The following ZNF385D variants were observed in gnomAD, a reference collection of about 807,000 sequenced individuals.
The protein encoded by ZNF385D is zinc finger protein 659.
Under a neutral mutation model 35.8 loss-of-function variants are expected in ZNF385D, and 15 were observed. The ratio of observed to expected loss-of-function variants is 0.42; its 90% confidence interval spans 0.28 to 0.64. The LOEUF is 0.64. ZNF385D is among the 30% of genes least tolerant of loss of function. The pLI, the probability that ZNF385D is intolerant of heterozygous loss-of-function variation, is 0.23. For synonymous variants in ZNF385D, 212 were observed against 186.8 expected, an observed-to-expected ratio of 1.13 and a Z score of -1.10; for missense variants, 474 against 494.6, an observed-to-expected ratio of 0.96 and a Z score of 0.39.
chr3:21,723,464 T>C (rs549329730), intron 1 of ZNF385D, among the ~76,000 whole-genome samples: 2 of 152,172 alleles, frequency 1.3e-5, no homozygotes, highest in South Asian at 4.2e-4. Flanking sequence ...ATAAATGACC[T>C]GAAGGAGCAG....
chr3:22,032,419 G>A (rs1159108473), intron 3 of ZNF385D, among the ~76,000 whole-genome samples: 1 of 152,168 alleles, frequency 6.6e-6, no homozygotes, highest in African/African-American at 2.4e-5. Context: ...CGGATCTCAT[G>A]AGAACCCCCT....
At chr3:22,169,073 G>A (rs1706519257) in intron 2 of ZNF385D, 2 of 906,172 alleles carry the variant, frequency 2.2e-6, no homozygotes, top group Non-Finnish European at 2.6e-6. Flanking sequence ...AGCAGATCAA[G>A]ATTTTTAGAT....
At chr3:22,131,575 C>A (rs139073941) in intron 3 of ZNF385D, among the ~76,000 whole-genome samples, 1 of 151,886 alleles carries the variant, frequency 6.6e-6, no homozygotes. Context: ...GGAACTGTTA[C>A]AGGATGGAAT....
intron 3 of ZNF385D, among the ~76,000 whole-genome samples, chr3:21,804,133 G>C (rs1377543390): frequency 1.3e-5 from 2 of 152,146 alleles, no homozygotes; most frequent in Admixed American, 1.3e-4. Flanking sequence ...TAAATTTCTT[G>C]TGCATATGTT....
chr3:21,874,092 C>A (rs1170441784), intron 3 of ZNF385D, among the ~76,000 whole-genome samples: 1 of 151,876 alleles, frequency 6.6e-6, no homozygotes, highest in Non-Finnish European at 1.5e-5. Context: ...GAAGATGCAC[C>A]ATTATACATT....
At chr3:21,620,660 A>T (rs973161136) in intron 2 of ZNF385D, among the ~76,000 whole-genome samples, 3 of 152,122 alleles carry the variant, frequency 2.0e-5, no homozygotes, top group Non-Finnish European at 2.9e-5. Context: ...GAATGCCCTT[A>T]ATCTATTTGA....
chr3:21,887,475 C>G (rs1698608074), intron 3 of ZNF385D, among the ~76,000 whole-genome samples: 1 of 152,050 alleles, frequency 6.6e-6, no homozygotes, highest in South Asian at 2.1e-4. Context: ...ATGGTAAATT[C>G]TATAGAAACA....
intron 3 of ZNF385D, among the ~76,000 whole-genome samples, chr3:22,025,716 C>A (rs1003535124): frequency 6.6e-6 from 1 of 152,048 alleles, no homozygotes; most frequent in Non-Finnish European, 1.5e-5. Flanking sequence ...GGAAGGGATC[C>A]AAAGGCTTAG....
chr3:21,828,637 C>A (rs901553378), intron 3 of ZNF385D, among the ~76,000 whole-genome samples: 1 of 152,204 alleles, frequency 6.6e-6, no homozygotes, highest in African/African-American at 2.4e-5. Flanking sequence ...CAGCAGAGAA[C>A]AGAAATAAAC....
intron 2 of ZNF385D, among the ~76,000 whole-genome samples, chr3:22,208,310 T>C (rs1456079971): frequency 6.6e-6 from 1 of 151,834 alleles, no homozygotes; most frequent in Non-Finnish European, 1.5e-5. Context: ...ACTGGAGGTC[T>C]TTATGTTCAG....
At chr3:21,971,194 G>C (rs1236311569) in intron 3 of ZNF385D, among the ~76,000 whole-genome samples, 1 of 151,990 alleles carries the variant, frequency 6.6e-6, no homozygotes, top group Non-Finnish European at 1.5e-5. Flanking sequence ...TGTAATTATG[G>C]TGTATAAACT....
chr3:21,493,136 T>A (rs999770481), intron 4 of ZNF385D, among the ~76,000 whole-genome samples: 1 of 152,094 alleles, frequency 6.6e-6, no homozygotes, highest in Non-Finnish European at 1.5e-5. Flanking sequence ...TACTTCCTCC[T>A]GACTAGGACA....
intron 1 of ZNF385D, among the ~76,000 whole-genome samples, chr3:21,700,460 GATTA>G (rs2067640747): frequency 6.6e-6 from 1 of 152,182 alleles, no homozygotes; most frequent in African/African-American, 2.4e-5. Context: ...TATACCATAT[GATTA>G]ATTTTTAAAA....
chr3:22,179,016 C>T (rs6783756), intron 2 of ZNF385D, among the ~76,000 whole-genome samples: 20,145 of 151,718 alleles, frequency 0.13, 1,400 homozygotes, highest in East Asian at 0.23. Context: ...AGTCAGGCAG[C>T]GTGATGCCTC....
chr3:21,423,883 T>C, intron 7 of ZNF385D, 80 bp downstream of exon 7: 1 of 1,367,984 alleles, frequency 7.3e-7, no homozygotes, highest in Admixed American at 2.0e-5. Context: ...TGGTTAAAGG[T>C]GGCAAAATGC....
At chr3:21,802,904 T>C (rs2072471091) in intron 3 of ZNF385D, among the ~76,000 whole-genome samples, 1 of 152,088 alleles carries the variant, frequency 6.6e-6, no homozygotes, top group Non-Finnish European at 1.5e-5. Flanking sequence ...ATTGGGCAAA[T>C]GCTCCCAGGA....
At chr3:22,224,134 A>G (rs968035993) in intron 2 of ZNF385D, among the ~76,000 whole-genome samples, 5 of 152,208 alleles carry the variant, frequency 3.3e-5, no homozygotes, top group African/African-American at 1.2e-4. Context: ...CCCTCAAAAG[A>G]AAGAATGAGG....
rs901275054 is a variant in ZNF385D, at chr3:21,604,350, G to C, written c.166-39666C>G. 2.6e-5 allele frequency among the ~76,000 whole-genome samples: 4 copies of C among 152,260 alleles called. No homozygotes were observed. The South Asian group carries it at 8.3e-4, about 32-fold the overall frequency. On this transcript the variant is annotated intron_variant, in intron 2 of 7. Coordinates refer to ENST00000281523, the MANE Select transcript of ZNF385D (RefSeq NM_024697.3). ...ACTGCCAATGTGAAGAAAGACATTC[G>C]CTTTGTTTGGATTAACAAGGCGCTG...
chr3:21,709,848 T>G (rs904925547), intron 1 of ZNF385D, among the ~76,000 whole-genome samples: 33 of 152,214 alleles, frequency 2.2e-4, no homozygotes, highest in African/African-American at 6.3e-4. Context: ...TATTTGAAGA[T>G]GTATACGGTG....
Sources: gnomAD v4.1 joint callset for allele counts (sites outside exome capture counted in the v4.1 genomes callset) on GRCh38, gnomAD v4.1.1 for gene constraint, MANE v1.5 for transcripts, NCBI Gene and HGNC (gene_info 2026-07-23, HGNC 2026-07-21) for gene names.